Variants in SOX5 observed in about 807,000 individuals in gnomAD.
SOX5 encodes SRY-box transcription factor 5.
Under a neutral mutation model 92.0 loss-of-function variants are expected in SOX5, and 9 were observed. That is an observed-to-expected ratio of 0.10 (90% CI 0.06 to 0.17). SOX5 has a LOEUF of 0.17. SOX5 is among the 10% of genes least tolerant of loss of function. The pLI is 1.00. For synonymous variants in SOX5, 344 were observed against 336.3 expected (o/e 1.02, Z -0.25); for missense variants, 642 against 944.5 (o/e 0.68, Z 4.20).
At chr12:23,853,238 T>C (rs535192328) in intron 2 of SOX5, among the ~76,000 whole-genome samples, 3 of 151,286 alleles carry the variant, frequency 2.0e-5, no homozygotes, top group South Asian at 2.1e-4. Context: ...ACTAACTATA[T>C]AGATTAGGAA....
chr12:24,509,353 C>T (rs1274471626), intron 1 of SOX5, among the ~76,000 whole-genome samples: 1 of 152,114 alleles, frequency 6.6e-6, no homozygotes, highest in African/African-American at 2.4e-5. Context: ...CTTTTTCTCT[C>T]CTACCTTTTT....
intron 1 of SOX5, among the ~76,000 whole-genome samples, chr12:24,554,385 G>A (rs1283029840): frequency 1.3e-5 from 2 of 152,130 alleles, no homozygotes; most frequent in Non-Finnish European, 2.9e-5. Context: ...TCTCACAAAC[G>A]TAAGTTTGTC....
intron 1 of SOX5, among the ~76,000 whole-genome samples, chr12:24,528,659 T>C (rs2138610640): frequency 6.6e-6 from 1 of 152,196 alleles, no homozygotes; most frequent in South Asian, 2.1e-4. Flanking sequence ...CAGAATCGAG[T>C]CCAGCAAGGG....
At chr12:23,567,311 A>AC (rs1157174859) in intron 10 of SOX5, among the ~76,000 whole-genome samples, 5 of 151,922 alleles carry the variant, frequency 3.3e-5, no homozygotes, top group Non-Finnish European at 5.9e-5. Flanking sequence ...GGTTTGGTGA[A>AC]CCTCAGTCTT....
intron 2 of SOX5, among the ~76,000 whole-genome samples, chr12:24,344,032 C>G (rs146478591): frequency 6.6e-6 from 1 of 152,094 alleles, no homozygotes; most frequent in Non-Finnish European, 1.5e-5. Flanking sequence ...CACCTGTAAT[C>G]TCAGCACTTT....
At chr12:24,301,287 G>A (rs769049754) in intron 2 of SOX5, among the ~76,000 whole-genome samples, 13 of 152,122 alleles carry the variant, frequency 8.5e-5, no homozygotes, top group African/African-American at 1.2e-4. Flanking sequence ...CATGACAGCC[G>A]TCTCAAAAAG....
At chr12:24,457,868 T>C (rs1943187789) in intron 1 of SOX5, among the ~76,000 whole-genome samples, 1 of 152,164 alleles carries the variant, frequency 6.6e-6, no homozygotes, top group Admixed American at 6.5e-5. Context: ...TTAGTGGGCA[T>C]TATAGATAAG....
intron 1 of SOX5, among the ~76,000 whole-genome samples, chr12:24,435,545 T>G (rs1320805855): frequency 6.6e-6 from 1 of 152,192 alleles, no homozygotes; most frequent in Non-Finnish European, 1.5e-5. Context: ...AGGAAAGACA[T>G]GTCTAGCACA....
At chr12:23,625,697 C>A (rs1250636146) in intron 8 of SOX5, among the ~76,000 whole-genome samples, 1 of 152,160 alleles carries the variant, frequency 6.6e-6, no homozygotes, top group Non-Finnish European at 1.5e-5. Flanking sequence ...GCAACCTCTG[C>A]GTCCTGGGTT....
At chr12:24,139,260 TG>T (rs1488178488) in intron 4 of SOX5, among the ~76,000 whole-genome samples, 1 of 152,154 alleles carries the variant, frequency 6.6e-6, no homozygotes, top group African/African-American at 2.4e-5. Flanking sequence ...ATATGTTCAT[TG>T]GGAGCGAAAG....
rs560933204 is a variant in SOX5, at chr12:24,448,499, G to A, written c.-250-79860C>T. Among the ~76,000 whole-genome samples the A allele has an allele frequency of 1.7e-3, 266 of 152,234 alleles. 1 individual carries two copies. Among genetic ancestry groups the A allele is most frequent in the African/African-American group, 6.1e-3 (255 of 41,542 alleles). On this transcript the variant is annotated intron_variant, in intron 1 of 4. Transcript: ENST00000446891. ...CCTCTCCAGGAAAGATATTACCCAC[G>A]GTGTTGTAGAGGAGACAAGTATTTG...
At chr12:23,568,908 G>A (rs1450459430) in intron 10 of SOX5, among the ~76,000 whole-genome samples, 2 of 137,010 alleles carry the variant, frequency 1.5e-5, no homozygotes, top group East Asian at 2.2e-4. Flanking sequence ...AAAAAAAAAT[G>A]CCGGGCATGG....
chr12:24,161,849 C>T (rs1952792074), intron 4 of SOX5, among the ~76,000 whole-genome samples: 1 of 152,020 alleles, frequency 6.6e-6, no homozygotes, highest in Admixed American at 6.6e-5. Flanking sequence ...ACAAAAGCCC[C>T]AAAGTGTGTA....
chr12:23,825,336 T>C (rs779763419), intron 3 of SOX5, among the ~76,000 whole-genome samples: 1 of 152,178 alleles, frequency 6.6e-6, no homozygotes, highest in Non-Finnish European at 1.5e-5. Flanking sequence ...GGGAGTTCCC[T>C]GACCCCTTGC....
At chr12:23,622,647 T>G (rs929335573) in intron 8 of SOX5, among the ~76,000 whole-genome samples, 1 of 152,176 alleles carries the variant, frequency 6.6e-6, no homozygotes, top group Non-Finnish European at 1.5e-5. Context: ...CCCATTAAAA[T>G]ATATCAACAC....
rs115001707 is a variant in SOX5, at chr12:24,371,397, T to C, written c.-250-2758A>G. ...CTGGACAACCTTGATTTTAGCCTCA[T>C]GATACCCTGAACATAAAACCTAACC... On this transcript the variant is annotated intron_variant, in intron 1 of 4. Transcript: ENST00000446891. Among the ~76,000 whole-genome samples, 450 of 152,338 alleles carry C rather than the reference T, an allele frequency of 3.0e-3. 3 individuals carry two copies. The highest frequency in any genetic ancestry group is 0.01 in the African/African-American group (425 of 41,580).
Position 24,382,397 on chromosome 12 carries a change from G to A in SOX5, c.-250-13758C>T, listed in dbSNP as rs140012876. Among the ~76,000 whole-genome samples, 167 of 152,196 alleles carry A rather than the reference G, an allele frequency of 1.1e-3. 1 individual carries two copies. Among genetic ancestry groups the A allele is most frequent in the Middle Eastern group, 3.4e-3 (1 of 294 alleles). On this transcript the variant is annotated intron_variant, in intron 1 of 4. Coordinates refer to the SOX5 transcript ENST00000446891. ...GAGCAACGGGCAGTATGGTAGTATG[G>A]TAGGGAGGAAAATGGCGGAAGGGGA...
chr12:24,489,960 A>C (rs1946885591), intron 1 of SOX5, among the ~76,000 whole-genome samples: 1 of 152,230 alleles, frequency 6.6e-6, no homozygotes, highest in Non-Finnish European at 1.5e-5. Context: ...TGGTGTTTAA[A>C]GACACCTACT....
intron 4 of SOX5, among the ~76,000 whole-genome samples, chr12:24,174,929 G>A (rs1275898060): frequency 1.3e-5 from 2 of 152,152 alleles, no homozygotes; most frequent in East Asian, 3.8e-4. Context: ...AAACAGGAAG[G>A]GGGTACCTTG....
Sources: allele counts gnomAD v4.1 joint callset (sites outside exome capture counted in the v4.1 genomes callset), GRCh38; gene constraint gnomAD v4.1.1; transcripts MANE v1.5; gene names NCBI Gene and HGNC (gene_info 2026-07-23, HGNC 2026-07-21).